Variants in NCBP1 observed in about 807,000 individuals in gnomAD.
NCBP1 encodes nuclear cap-binding protein subunit 1.
A neutral mutation model predicts 111.7 loss-of-function variants in NCBP1; 16 were observed. The ratio of observed to expected loss-of-function variants is 0.14; its 90% confidence interval spans 0.10 to 0.22. The LOEUF (loss-of-function observed/expected upper bound fraction) is 0.22, where lower values mean the gene tolerates loss of function less well. NCBP1 is among the 10% of genes least tolerant of loss of function. NCBP1 has a pLI of 1.00. For missense variants in NCBP1, 607 were observed against 957.5 expected, an observed-to-expected ratio of 0.63 and a Z score of 4.83; for synonymous variants, 304 against 314.3, an observed-to-expected ratio of 0.97 and a Z score of 0.35.
At chr9:97,637,832 A>G (rs570274276) in intron 1 of NCBP1, among the ~76,000 whole-genome samples, 82 of 152,306 alleles carry the variant, frequency 5.4e-4, no homozygotes, top group Non-Finnish European at 1.1e-3. Flanking sequence ...TTGTAAGGCT[A>G]TAAGATGTAC....
Position 97,633,912 on chromosome 9 carries a change from G to A in NCBP1, c.31G>A (p.Asp11Asn). The A allele has an allele frequency of 1.3e-6, 2 of 1,588,448 alleles. No homozygotes were observed. Among genetic ancestry groups the A allele is most frequent in the South Asian group, 2.3e-5 (2 of 88,882 alleles). Reference protein sequence around the residue: MSRRRHSDENDGGQPHKRRKT... With the variant: MSRRRHSDENNGGQPHKRRKT... ...GCGGCGGCGGCACAGCGACGAGAACGACGGTGAGTGCCTGCGGCCCGGCCA... is the reference window on the plus strand; with the variant it reads ...GCGGCGGCGGCACAGCGACGAGAACAACGGTGAGTGCCTGCGGCCCGGCCA... Residue 11 changes from aspartate (D) to asparagine (N), a missense_variant, in exon 1 of 23, where the codon GAC (aspartate) becomes AAC (asparagine). This residue lies in a region of NCBP1 where 185 missense variants were observed against 272.0 expected (regional missense o/e 0.68). Transcript: ENST00000375147.
intron 6 of NCBP1, among the ~76,000 whole-genome samples, chr9:97,646,547 A>G (rs1405914335): frequency 6.6e-6 from 1 of 152,104 alleles, no homozygotes; most frequent in Non-Finnish European, 1.5e-5. Flanking sequence ...AAAAATAAGA[A>G]TCTTTTGGCC....
chr9:97,655,769 GTGA>G lies in NCBP1; in HGVS notation c.1298+8_1298+10del. On this transcript the variant is annotated splice_donor_region_variant and intron_variant, in intron 13 of 22. Transcript: ENST00000375147. ...CCGTTGGAGCTGGGAAGATTGGTAAGTGATGGTTTGTTTTATCTTTTTCTGTAG... is the reference window on the plus strand; with the variant it reads ...CCGTTGGAGCTGGGAAGATTGGTAAGTGGTTTGTTTTATCTTTTTCTGTAG... 3 of 1,607,498 alleles carry G rather than the reference GTGA, an allele frequency of 1.9e-6. No homozygotes were observed. The highest frequency in any genetic ancestry group is 2.5e-6 in the Non-Finnish European group (3 of 1,177,706).
intron 3 of NCBP1, 82 bp downstream of exon 3, chr9:97,641,744 G>A (rs556136198): frequency 1.5e-6 from 2 of 1,326,682 alleles, no homozygotes; most frequent in Admixed American, 4.4e-5. Context: ...CAAAATACAT[G>A]TTTATGTTCT....
intron 11 of NCBP1, among the ~76,000 whole-genome samples, chr9:97,654,192 A>G (rs1403206763): frequency 6.6e-6 from 1 of 152,206 alleles, no homozygotes; most frequent in Non-Finnish European, 1.5e-5. Context: ...TCTCTGAAGC[A>G]TGTGATGCTT....
At chr9:97,644,688 T>G (rs536554389) in intron 4 of NCBP1, among the ~76,000 whole-genome samples, 19 of 152,314 alleles carry the variant, frequency 1.2e-4, no homozygotes, top group African/African-American at 4.1e-4. Context: ...TAGGTTGAAG[T>G]AGCTAGAATA....
chr9:97,665,614 C>G (rs982559451), intron 19 of NCBP1, among the ~76,000 whole-genome samples: 1 of 152,194 alleles, frequency 6.6e-6, no homozygotes, highest in African/African-American at 2.4e-5. Context: ...TGTCCTGTTT[C>G]CTAACATTCT....
chr9:97,658,605 A>C (rs1363209433), intron 14 of NCBP1, 35 bp from the exon 15 acceptor site: 1 of 1,509,120 alleles, frequency 6.6e-7, no homozygotes, highest in East Asian at 2.3e-5. Context: ...GGGACTGATA[A>C]AAGATATTTT....
rs1315415591 is a variant in NCBP1, at chr9:97,645,147, C to T, written c.412C>T (p.His138Tyr). The T allele has an allele frequency of 6.2e-7, 1 of 1,613,234 alleles. No individual in the cohort carries two copies. Among genetic ancestry groups the T allele is most frequent in the African/African-American group, 1.3e-5 (1 of 74,988 alleles). ...TTTTTTATCTGATCTTGTGAATTGTCATGTGATTGCCGCCCCATCAATGGT... is the reference window on the plus strand; with the variant it reads ...TTTTTTATCTGATCTTGTGAATTGTTATGTGATTGCCGCCCCATCAATGGT... ...VRFLSDLVNC[H>Y]VIAAPSMVAM... Residue 138 changes from histidine to tyrosine, a missense_variant, in exon 5 of 23, where the codon CAT (histidine) becomes TAT (tyrosine). By Grantham distance (83) the His-to-Tyr change is moderately conservative. This residue lies in a region of NCBP1 where 185 missense variants were observed against 272.0 expected (regional missense o/e 0.68). Transcript: ENST00000375147.
At chr9:97,663,470 C>T (rs60821994) in intron 18 of NCBP1, among the ~76,000 whole-genome samples, 9 of 151,856 alleles carry the variant, frequency 5.9e-5, no homozygotes, top group Admixed American at 2.6e-4. Flanking sequence ...TTTTTGAATA[C>T]GTATTAGTAC....
rs1208563161 is a variant in NCBP1, at chr9:97,673,471, C to A, written c.*2272C>A. 6.6e-6 allele frequency: 1 copy of A among 152,160 alleles called. No individual in the cohort carries two copies. The highest frequency in any genetic ancestry group is 2.4e-5 in the African/African-American group (1 of 41,428). 9.4% of individuals were successfully genotyped at this position (152,160 alleles called of 1,614,324 possible). A position where few individuals can be genotyped will look rare whatever the true frequency, so the allele number is the denominator to read the frequency against. On this transcript the variant is annotated 3_prime_UTR_variant, in exon 23 of 23. Transcript: ENST00000375147. ...AAATTTGTAGGTTTTAATTTCTTTT[C>A]TCTTGGTCCTCTCTTCATGTATAAT...
At chr9:97,644,343 C>T (rs1393800977) in intron 4 of NCBP1, among the ~76,000 whole-genome samples, 2 of 152,134 alleles carry the variant, frequency 1.3e-5, no homozygotes, top group Non-Finnish European at 2.9e-5. Context: ...TCCCTAAACA[C>T]ACCTTGTTTT....
intron 4 of NCBP1, 116 bp downstream of exon 4, chr9:97,643,476 C>A: frequency 1.8e-6 from 2 of 1,102,272 alleles, no homozygotes; most frequent in Non-Finnish European, 2.5e-6. Context: ...ACTTTCATAG[C>A]TTCATAAGCC....
At position 97,648,264 on chromosome 9, in the gene NCBP1, G is replaced by T. The variant is rs2131341322; in HGVS notation, c.897+41G>T. 1.9e-6 allele frequency: 3 copies of T among 1,578,040 alleles called. No individual in the cohort carries two copies. In the African/African-American group the frequency reaches 4.0e-5, roughly 21 times the overall value. On this transcript the variant is annotated intron_variant, in intron 8 of 22. Transcript: ENST00000375147. ...AAAGTCCTAGATATTGACCTGTGTT[G>T]CATTGTGCTTGTGGGTTAATCCCGC...
chr9:97,659,156 C>T (rs999301197), intron 15 of NCBP1, among the ~76,000 whole-genome samples: 2 of 152,154 alleles, frequency 1.3e-5, no homozygotes, highest in Non-Finnish European at 2.9e-5. Flanking sequence ...ATTTTCTTAC[C>T]TTTTGGTCAC....
At position 97,645,608 on chromosome 9, in the gene NCBP1, T is replaced by C; in HGVS notation, c.490-3T>C. The C allele has an allele frequency of 6.2e-7, 1 of 1,612,334 alleles. No individual in the cohort carries two copies. The highest frequency in any genetic ancestry group is 8.5e-7 in the Non-Finnish European group (1 of 1,178,920). ...TAAACTTAACTTTTTAAAAATCCTT[T>C]AGGTGCGACGAGATTGGTATGTGTA... On this transcript the variant is annotated splice_region_variant and splice_polypyrimidine_tract_variant and intron_variant, in intron 5 of 22. Coordinates refer to ENST00000375147, the MANE Select transcript of NCBP1 (RefSeq NM_002486.5).
intron 7 of NCBP1, 34 bp downstream of exon 7, chr9:97,647,595 C>T (rs888160246): frequency 2.0e-6 from 3 of 1,518,592 alleles, no homozygotes; most frequent in African/African-American, 1.4e-5. Context: ...GATACAAACA[C>T]AGTCAGCTCT....
intron 1 of NCBP1, among the ~76,000 whole-genome samples, chr9:97,637,745 G>A (rs1054089015): frequency 2.6e-5 from 4 of 152,152 alleles, no homozygotes; most frequent in Non-Finnish European, 5.9e-5. Flanking sequence ...TAATGTTGAA[G>A]TTGTTGGTTT....
At position 97,669,723 on chromosome 9, in the gene NCBP1, G is replaced by A. The variant is rs368774276; in HGVS notation, c.2259+17G>A. 1.8e-5 allele frequency: 27 copies of A among 1,471,962 alleles called. No homozygotes were observed. Among genetic ancestry groups the A allele is most frequent in the African/African-American group, 1.8e-4 (13 of 71,850 alleles). 91.2% of individuals were successfully genotyped at this position (1,471,962 alleles called of 1,614,324 possible). ...TTCCTACAGGTATGTGGGGAACTTCGATTAGGTAATAACACTATTCTCAGC... is the reference window on the plus strand; with the variant it reads ...TTCCTACAGGTATGTGGGGAACTTCAATTAGGTAATAACACTATTCTCAGC... On this transcript the variant is annotated intron_variant, in intron 22 of 22. Coordinates refer to ENST00000375147, the MANE Select transcript of NCBP1 (RefSeq NM_002486.5).
Sources: gnomAD v4.1 joint callset for allele counts (sites outside exome capture counted in the v4.1 genomes callset) on GRCh38, gnomAD v4.1.1 for gene constraint, gnomAD v4.1.1 regional missense constraint, MANE v1.5 for transcripts, NCBI Gene and HGNC (gene_info 2026-07-23, HGNC 2026-07-21) for gene names.